Variants in ZBP1 observed in about 807,000 individuals in gnomAD.
The protein encoded by ZBP1 is Z-DNA binding protein 1.
A neutral mutation model predicts 41.1 loss-of-function variants in ZBP1; 42 were observed. The ratio of observed to expected loss-of-function variants is 1.02; its 90% CI spans 0.80 to 1.32. The LOEUF (loss-of-function observed/expected upper bound fraction) is 1.32, where lower values mean the gene tolerates loss of function less well. Ranked by LOEUF, ZBP1 falls within the 40% of genes most tolerant of loss-of-function variation. The probability of loss-of-function intolerance (pLI) is 0.00; values close to 1 mark genes in which losing one functional copy is unlikely to be tolerated. For missense variants in ZBP1, 562 were observed against 549.7 expected, an observed-to-expected ratio of 1.02 and a Z score of -0.22; for synonymous variants, 214 against 205.2, an observed-to-expected ratio of 1.04 and a Z score of -0.37.
chr20:57,616,006 T>A (rs2070813770), intron 2 of ZBP1: 2 of 590,612 alleles, frequency 3.4e-6, no homozygotes, highest in Admixed American at 6.0e-5. Context: ...TTCTGCAGAG[T>A]ACCTCCTGTG....
At chr20:57,611,411 A>ATTTTTTTTTTTTTTTTTTTTTTTTTTT (rs3068061) in intron 6 of ZBP1, among the ~76,000 whole-genome samples, 7 of 95,142 alleles carry the variant, frequency 7.4e-5, no homozygotes, top group Non-Finnish European at 9.6e-5. Flanking sequence ...TGCCCGGTTA[A>ATTTTTTTTTTTTTTTTTTTTTTTTTTT]TTTTTTTTTT....
Position 57,615,572 on chromosome 20 carries a change from G to C in ZBP1, c.268C>G (p.Pro90Ala), listed in dbSNP as rs1909859271. Residue 90 changes from proline (P) to alanine (A), a missense_variant, in exon 3 of 8, where the codon CCC becomes GCC. Pro to Ala is a conservative substitution (Grantham distance 27). Transcript: ENST00000371173. ...ELALSSPAER[P>A]QQHAATIPET... Reference sequence around the variant, plus strand: ...GGAATTGTAGCTGCATGTTGCTGGGGCCTCTCGGCTGCAGAAAGAAAGATG... The same window carrying C: ...GGAATTGTAGCTGCATGTTGCTGGGCCCTCTCGGCTGCAGAAAGAAAGATG... 8 of 1,613,016 alleles carry C rather than the reference G, an allele frequency of 5.0e-6. No individual in the cohort carries two copies. The highest frequency in any genetic ancestry group is 6.8e-6 in the Non-Finnish European group (8 of 1,179,596).
intron 3 of ZBP1, 84 bp from the exon 4 acceptor site, chr20:57,615,144 A>G: frequency 6.8e-7 from 1 of 1,465,454 alleles, no homozygotes. Context: ...GTGGCCCTGG[A>G]CCCAGCCCCT....
rs78701810 is a variant in ZBP1 at position 57,613,932 on chromosome 20, C to T, written c.503-602G>A. Among the ~76,000 whole-genome samples, 921 of 152,064 alleles carry T rather than the reference C, an allele frequency of 6.1e-3. 6 individuals carry two copies. The highest frequency in any genetic ancestry group is 0.02 in the African/African-American group (825 of 41,544). On this transcript the variant is annotated intron_variant, in intron 4 of 7. Coordinates refer to ENST00000371173, the MANE Select transcript of ZBP1 (RefSeq NM_030776.3). The surrounding 1 kb of genome is among the most constrained non-coding windows in gnomAD (Gnocchi z 4.5). ...CTGTGCGGGGCCCATCACCACCCTC[C>T]AGGGTCTCAGCTCCTGTGCCTTTGT...
In ZBP1 at chr20:57,614,881, G is replaced by A. The variant is rs780791805; in HGVS notation, c.502+6C>T. On this transcript the variant is annotated splice_donor_region_variant and intron_variant, in intron 4 of 7. Transcript: ENST00000371173. ...GCAGCCCAGACACAGGCAGCCGGGGGCCTACCTGGGCGGTAAATCGTCCAT... is the reference window on the plus strand; with the variant it reads ...GCAGCCCAGACACAGGCAGCCGGGGACCTACCTGGGCGGTAAATCGTCCAT... 1.9e-6 allele frequency: 3 copies of A among 1,614,122 alleles called. No individual in the cohort carries two copies. Among genetic ancestry groups the A allele is most frequent in the South Asian group, 1.1e-5 (1 of 91,072 alleles).
intron 7 of ZBP1, among the ~76,000 whole-genome samples, chr20:57,606,731 T>C (rs1453296902): frequency 6.6e-6 from 1 of 152,218 alleles, no homozygotes; most frequent in Non-Finnish European, 1.5e-5. Flanking sequence ...CTATGTTCTA[T>C]GAATGAAGCA....
At chr20:57,615,267 C>T in intron 3 of ZBP1, 1 of 691,886 alleles carries the variant, frequency 1.4e-6, no homozygotes, top group Admixed American at 2.9e-5. Context: ...CTGCGCTGGG[C>T]CTGGCATGTG....
intron 7 of ZBP1, among the ~76,000 whole-genome samples, chr20:57,605,318 G>A (rs535118237): frequency 6.6e-6 from 1 of 152,232 alleles, no homozygotes; most frequent in Admixed American, 6.5e-5. Context: ...TGTGTGAAGC[G>A]AGTCTATCAG....
Position 57,604,475 on chromosome 20 carries a change from G to T in ZBP1, c.*98C>A. ...GCAGGTTATGTCTGGAAGCAAGCAG[G>T]TCAAACAAGACGCTAAGGAATGCAG... On this transcript the variant is annotated 3_prime_UTR_variant, in exon 8 of 8. Transcript: ENST00000371173. 1 of 1,468,420 alleles carries T rather than the reference G, an allele frequency of 6.8e-7. No homozygotes were observed. Among genetic ancestry groups the T allele is most frequent in the South Asian group, 1.1e-5 (1 of 87,638 alleles). 91.0% of individuals were successfully genotyped at this position (1,468,420 alleles called of 1,614,324 possible).
chr20:57,612,555 G>A (rs1029521207), intron 5 of ZBP1, among the ~76,000 whole-genome samples: 6 of 148,132 alleles, frequency 4.1e-5, no homozygotes, highest in African/African-American at 1.2e-4. Context: ...GGAGTGTCCC[G>A]ACTTTGGGGC....
At chr20:57,619,539 T>C (rs2070942362) in intron 1 of ZBP1, among the ~76,000 whole-genome samples, 1 of 152,126 alleles carries the variant, frequency 6.6e-6, no homozygotes, top group Non-Finnish European at 1.5e-5. Flanking sequence ...ATGAATGAAA[T>C]GTTAGTTGAG....
At chr20:57,612,089 C>A (rs930911985) in intron 5 of ZBP1, among the ~76,000 whole-genome samples, 159 bp from the exon 6 acceptor site, 2 of 152,128 alleles carry the variant, frequency 1.3e-5, no homozygotes, top group Non-Finnish European at 2.9e-5. Context: ...GAGGACCTGG[C>A]GGAATAGCTC....
intron 6 of ZBP1, among the ~76,000 whole-genome samples, chr20:57,611,395 C>A (rs1009419773): frequency 6.7e-6 from 1 of 148,974 alleles, no homozygotes; most frequent in Non-Finnish European, 1.5e-5. Context: ...CAGGCGCAAG[C>A]CACCATGCCC....
intron 7 of ZBP1, among the ~76,000 whole-genome samples, chr20:57,609,681 T>C (rs2070595711): frequency 6.6e-6 from 1 of 152,060 alleles, no homozygotes; most frequent in Admixed American, 6.6e-5. Context: ...CCACCGTGTG[T>C]GGCATCTCCA....
chr20:57,609,757 G>C (rs542387382), intron 7 of ZBP1, among the ~76,000 whole-genome samples: 1 of 152,020 alleles, frequency 6.6e-6, no homozygotes, highest in Admixed American at 6.6e-5. Flanking sequence ...CACCTCTCTC[G>C]GGCCCAAAAC....
At chr20:57,615,730 C>A (rs1296903734) in intron 2 of ZBP1, 150 bp from the exon 3 acceptor site, 12 of 618,326 alleles carry the variant, frequency 1.9e-5, no homozygotes, top group Admixed American at 3.5e-5. Flanking sequence ...GACTTCAAAT[C>A]CTGCCTGCGC....
chr20:57,604,294 T>A lies in ZBP1; in HGVS notation c.*279A>T. 1.7e-6 allele frequency: 1 copy of A among 592,670 alleles called. No homozygotes were observed. Among genetic ancestry groups the A allele is most frequent in the Non-Finnish European group, 3.2e-6 (1 of 315,646 alleles). 36.7% of individuals were successfully genotyped at this position (592,670 alleles called of 1,614,324 possible). A position where few individuals can be genotyped will look rare whatever the true frequency, so the allele number is the denominator to read the frequency against. ...CCAGGAAAGAGTGGAGAGAGTCCCC[T>A]GGGCCTGGGGGACCGAGCCCCACTC... On this transcript the variant is annotated 3_prime_UTR_variant, in exon 8 of 8. Transcript: ENST00000371173.
At chr20:57,611,676 T>A (rs1316915902) in intron 6 of ZBP1, 51 bp downstream of exon 6, 7 of 1,553,412 alleles carry the variant, frequency 4.5e-6, no homozygotes, top group African/African-American at 1.4e-5. Flanking sequence ...TTCCTTCCAG[T>A]GAGGACCCAC....
chr20:57,616,571 G>T, intron 1 of ZBP1, 103 bp from the exon 2 acceptor site: 1 of 1,230,986 alleles, frequency 8.1e-7, no homozygotes, highest in Non-Finnish European at 1.2e-6. Flanking sequence ...CCCTTTTTGA[G>T]AGGGGTCCAG....
Sources: allele counts gnomAD v4.1 joint callset (sites outside exome capture counted in the v4.1 genomes callset), GRCh38; gene constraint gnomAD v4.1.1; non-coding constraint Gnocchi (gnomAD v3.1); transcripts MANE v1.5; gene names NCBI Gene and HGNC (gene_info 2026-07-23, HGNC 2026-07-21).